The following MRTFB variants were observed in gnomAD, a reference collection of about 807,000 sequenced individuals.
MRTFB encodes myocardin related transcription factor B.
A neutral mutation model predicts 104.2 loss-of-function variants in MRTFB; 29 were observed. That is an observed-to-expected ratio of 0.28 (90% CI 0.21 to 0.38). The LOEUF (loss-of-function observed/expected upper bound fraction) is 0.38. Among genes scored for constraint, MRTFB ranks in the 10% least tolerant of loss-of-function variants. The pLI is 1.00. For missense variants in MRTFB, 1,270 were observed against 1,341.6 expected, an observed-to-expected ratio of 0.95 and a Z score of 0.83; for synonymous variants, 535 against 519.5, an observed-to-expected ratio of 1.03 and a Z score of -0.41.
intron 3 of MRTFB, among the ~76,000 whole-genome samples, chr16:14,178,575 T>C (rs1318461959): frequency 6.6e-6 from 1 of 152,208 alleles, no homozygotes; most frequent in Non-Finnish European, 1.5e-5. Context: ...AAATGCTTAA[T>C]TCCCACTTTA....
intron 2 of MRTFB, among the ~76,000 whole-genome samples, chr16:14,110,567 A>T (rs998834380): frequency 4.6e-5 from 7 of 152,198 alleles, no homozygotes; most frequent in Admixed American, 2.6e-4. Context: ...AAGTGCTGTG[A>T]TTCCAGGCTC....
At chr16:14,107,386 T>C (rs2036038060) in intron 2 of MRTFB, among the ~76,000 whole-genome samples, 1 of 152,220 alleles carries the variant, frequency 6.6e-6, no homozygotes, top group African/African-American at 2.4e-5. Flanking sequence ...TCCCATGGAA[T>C]TGAAATTCCA....
At chr16:14,235,854 G>A (rs962922654) in intron 9 of MRTFB, among the ~76,000 whole-genome samples, 7 of 152,118 alleles carry the variant, frequency 4.6e-5, no homozygotes, top group Non-Finnish European at 5.9e-5. Flanking sequence ...CCTAGACCCC[G>A]TTCATTCTTA....
chr16:14,045,940 A>G, the MRTFB span, among the ~76,000 whole-genome samples: 1 of 152,190 alleles, frequency 6.6e-6, no homozygotes, highest in Admixed American at 6.5e-5. Context: ...GTCTCAGCAG[A>G]GTGTCTAGTA....
intron 3 of MRTFB, among the ~76,000 whole-genome samples, chr16:14,191,449 T>A (rs2040179443): frequency 6.6e-6 from 1 of 152,242 alleles, no homozygotes; most frequent in Non-Finnish European, 1.5e-5. Flanking sequence ...ATATTCCCAG[T>A]AACTGTATCT....
intron 3 of MRTFB, among the ~76,000 whole-genome samples, chr16:14,157,815 G>C (rs1335017580): frequency 6.6e-6 from 1 of 152,166 alleles, no homozygotes; most frequent in Non-Finnish European, 1.5e-5. Flanking sequence ...CTGAATAAAG[G>C]AAATGTGGAA....
At chr16:14,078,851 T>C (rs540705944) in intron 1 of MRTFB, among the ~76,000 whole-genome samples, 1 of 152,238 alleles carries the variant, frequency 6.6e-6, no homozygotes, top group Admixed American at 6.5e-5. Context: ...TTTCAGGAAC[T>C]ACTTTAGAGT....
At chr16:14,154,599 T>C (rs1202639624) in intron 3 of MRTFB, among the ~76,000 whole-genome samples, 1 of 152,204 alleles carries the variant, frequency 6.6e-6, no homozygotes, top group Admixed American at 6.5e-5. Context: ...AGCATGCATT[T>C]ATTATCTCAC....
chr16:14,017,713 T>TATA, the MRTFB span, among the ~76,000 whole-genome samples: 59 of 9,442 alleles, frequency 6.2e-3, 5 homozygotes, highest in East Asian at 0.016. Context: ...ATATATATAT[T>TATA]TTTTTTTTTT....
At chr16:14,100,865 A>C (rs1165914500) in intron 2 of MRTFB, among the ~76,000 whole-genome samples, 1 of 152,180 alleles carries the variant, frequency 6.6e-6, no homozygotes, top group East Asian at 1.9e-4. Flanking sequence ...AAAGTTTTTC[A>C]TAATATTCCC....
intron 3 of MRTFB, chr16:14,143,554 A>C (rs2038131968): frequency 6.7e-6 from 1 of 150,262 alleles, no homozygotes; most frequent in Non-Finnish European, 1.5e-5. Flanking sequence ...GTACATGTAC[A>C]CAACGTGCAG....
intron 3 of MRTFB, among the ~76,000 whole-genome samples, chr16:14,180,316 A>G (rs1034913051): frequency 2.0e-5 from 3 of 152,228 alleles, no homozygotes; most frequent in African/African-American, 7.2e-5. Context: ...ATGAAATGAC[A>G]TTAAAAGTCT....
At chr16:14,211,749 A>G (rs1298784013) in intron 4 of MRTFB, among the ~76,000 whole-genome samples, 1 of 152,204 alleles carries the variant, frequency 6.6e-6, no homozygotes. Flanking sequence ...TAGAAAGAGC[A>G]TGAACCCTTC....
rs2043059495 is a variant in MRTFB at position 14,247,278 on chromosome 16, T to C, written c.2018T>C (p.Val673Ala). 3 of 1,614,232 alleles carry C rather than the reference T, an allele frequency of 1.9e-6. No individual in the cohort carries two copies. The highest frequency in any genetic ancestry group is 2.5e-6 in the Non-Finnish European group (3 of 1,180,040). ...QPVSTGGQTL[V>A]AKKAVVIKQE... ...GTCTCTACAGGTGGCCAGACCCTTG[T>C]TGCCAAAAAGGCTGTAGTTATCAAG... The change falls in exon 12 of 17, where the codon GTT (valine) becomes GCT (alanine). Residue 673 changes from valine to alanine, a missense_variant. Physicochemically the swap from Val to Ala is moderately conservative, Grantham distance 64. Around this residue, in one of 3 missense-constraint regions of MRTFB, gnomAD observed 1,144 missense variants for 1,131.5 expected, o/e 1.01. Coordinates refer to ENST00000571589, the MANE Select transcript of MRTFB (RefSeq NM_001308142.2).
chr16:14,127,927 A>ATTT (rs1300874035), intron 2 of MRTFB, among the ~76,000 whole-genome samples: 19 of 38,784 alleles, frequency 4.9e-4, no homozygotes, highest in East Asian at 1.6e-3. Flanking sequence ...ATATATATAT[A>ATTT]TATTTTTTTT....
chr16:14,024,071 C>T, the MRTFB span, among the ~76,000 whole-genome samples: 1 of 152,030 alleles, frequency 6.6e-6, no homozygotes, highest in African/African-American at 2.4e-5. Flanking sequence ...AAGAATGGTG[C>T]CTGGTGCATC....
At position 14,257,935 on chromosome 16, in the gene MRTFB, G is replaced by T. The variant is rs78018386; in HGVS notation, c.2704-166G>T. Among the ~76,000 whole-genome samples the T allele has an allele frequency of 1.5e-3, 231 of 152,354 alleles. 2 individuals carry two copies. Among genetic ancestry groups the T allele is most frequent in the Middle Eastern group, 6.8e-3 (2 of 294 alleles). ...TTCTTGCTGTGTCAACTAACCAGCT[G>T]TACAGCTTGGGTAAATGGCTTAACT... On this transcript the variant is annotated intron_variant, in intron 15 of 16. Coordinates refer to ENST00000571589, the MANE Select transcript of MRTFB (RefSeq NM_001308142.2).
At chr16:14,133,373 T>G (rs562497831) in intron 2 of MRTFB, among the ~76,000 whole-genome samples, 1 of 152,374 alleles carries the variant, frequency 6.6e-6, no homozygotes, top group African/African-American at 2.4e-5. Flanking sequence ...GATTTCTGAC[T>G]CTGGCTAATT....
Position 14,245,668 on chromosome 16 carries a change from T to A in MRTFB, c.1212+8T>A, listed in dbSNP as rs1183713683. 6.2e-7 allele frequency: 1 copy of A among 1,604,806 alleles called. No homozygotes were observed. Among genetic ancestry groups the A allele is most frequent in the Non-Finnish European group, 8.5e-7 (1 of 1,177,860 alleles). ...AGCCTGGATGACTTAAAGGTGACAA[T>A]TGCAACTGGAGCTTATTCACCCCTA... On this transcript the variant is annotated splice_region_variant and intron_variant, in intron 11 of 16. Transcript: ENST00000571589.
Sources: allele counts gnomAD v4.1 joint callset (sites outside exome capture counted in the v4.1 genomes callset), GRCh38; gene constraint gnomAD v4.1.1; regional missense constraint gnomAD v4.1.1; transcripts MANE v1.5; gene names NCBI Gene and HGNC (gene_info 2026-07-23, HGNC 2026-07-21).